The following FUBP3 variants were observed in gnomAD, a reference collection of about 807,000 sequenced individuals.
FUBP3 encodes far upstream element-binding protein 3.
FUBP3 carries 28 observed loss-of-function variants against 85.6 expected under a neutral mutation model. That is an observed-to-expected ratio of 0.33 (90% CI 0.24 to 0.45). FUBP3 has a LOEUF of 0.45. Among genes scored for constraint, FUBP3 ranks in the 20% least tolerant of loss-of-function variants. The probability of loss-of-function intolerance (pLI) is 1.00; values close to 1 mark genes in which losing one functional copy is unlikely to be tolerated. For synonymous variants in FUBP3, 271 were observed against 271.4 expected (o/e 1.00, Z 0.01); for missense variants, 583 against 755.1 (o/e 0.77, Z 2.67).
rs78863411 is a variant in FUBP3, at chr9:130,612,810, A to G, written c.275-146A>G. On this transcript the variant is annotated intron_variant, in intron 4 of 18. Transcript: ENST00000319725. This position sits in a 1 kb window ranked among gnomAD's most constrained non-coding sequence, Gnocchi z 4.1. The stretch of plus-strand genomic sequence containing the variant: ...AGGGCTTTCTGCTGCCATCATGCCC[A>G]AAGAGTGGAGATGGGCTCACGGGGG... 208 of 649,016 alleles carry G rather than the reference A, an allele frequency of 3.2e-4. 2 individuals are homozygous for G. The East Asian group carries it at 5.5e-3, about 17-fold the overall frequency. The allele number at this position is 649,016 out of a possible 1,614,324, so 40.2% of individuals were successfully genotyped here.
chr9:130,615,161 G>A (rs1449078289), intron 6 of FUBP3, among the ~76,000 whole-genome samples: 1 of 152,136 alleles, frequency 6.6e-6, no homozygotes, highest in African/African-American at 2.4e-5. Context: ...AAATATCGCT[G>A]GCAGGTGTGC....
chr9:130,579,648 TCGGCGG>T lies in FUBP3; in HGVS notation c.-24_-19del, dbSNP rs573526178. 5.7e-3 allele frequency: 6,946 copies of T among 1,210,018 alleles called. 37 individuals carry two copies. The highest frequency in any genetic ancestry group is 6.7e-3 in the Non-Finnish European group (6,440 of 965,568). The allele number at this position is 1,210,018 out of a possible 1,614,324, so 75.0% of individuals were successfully genotyped here. On this transcript the variant is annotated 5_prime_UTR_variant, in exon 1 of 19. Transcript: ENST00000319725. ...GAGCCGAGCGGCGGCGTCGGCGGCG[TCGGCGG>T]CGGCGGCGACGGCGGCGGGGGCGGT...
intron 12 of FUBP3, among the ~76,000 whole-genome samples, chr9:130,630,330 G>T (rs1006628300): frequency 1.3e-5 from 2 of 152,236 alleles, no homozygotes; most frequent in African/African-American, 4.8e-5. Context: ...CCTCAGCCCA[G>T]ACCTGGTCTC....
intron 7 of FUBP3, among the ~76,000 whole-genome samples, chr9:130,617,162 A>G (rs1212897453): frequency 6.6e-6 from 1 of 152,238 alleles, no homozygotes; most frequent in Non-Finnish European, 1.5e-5. Flanking sequence ...GTAGCAAAAT[A>G]GAATAATACA....
intron 7 of FUBP3, among the ~76,000 whole-genome samples, chr9:130,617,569 T>C (rs1290420877): frequency 6.6e-6 from 1 of 152,260 alleles, no homozygotes; most frequent in African/African-American, 2.4e-5. Context: ...CTCCAGGGAC[T>C]GGAATCATTT....
At chr9:130,636,345 G>A in intron 18 of FUBP3, 1 of 655,720 alleles carries the variant, frequency 1.5e-6, no homozygotes, top group Non-Finnish European at 2.7e-6. Context: ...TGGGAGGATT[G>A]GGGGCGCAGC....
rs1006735063 is a variant in FUBP3 at position 130,612,923 on chromosome 9, G to T, written c.275-33G>T. On this transcript the variant is annotated intron_variant, in intron 4 of 18. Coordinates refer to ENST00000319725, the MANE Select transcript of FUBP3 (RefSeq NM_003934.2). The surrounding 1 kb of genome is among the most constrained non-coding windows in gnomAD (Gnocchi z 4.1). The stretch of plus-strand genomic sequence containing the variant: ...CTGCGTGGTGAAATATGGAATAGGG[G>T]CGTGTATTCTGACCCTGTTCAATTT... The T allele has an allele frequency of 1.4e-6, 2 of 1,382,632 alleles. No individual in the cohort carries two copies. Among genetic ancestry groups the T allele is most frequent in the East Asian group, 4.6e-5 (2 of 43,768 alleles). The allele number at this position is 1,382,632 out of a possible 1,614,324, so 85.6% of individuals were successfully genotyped here. A position where few individuals can be genotyped will look rare whatever the true frequency, so the allele number is the denominator to read the frequency against.
Position 130,636,029 on chromosome 9 carries a change from G to A in FUBP3, c.1613G>A (p.Ser538Asn). The A allele has an allele frequency of 6.3e-7, 1 of 1,596,626 alleles. No individual in the cohort carries two copies. Among genetic ancestry groups the A allele is most frequent in the Non-Finnish European group, 8.5e-7 (1 of 1,172,392 alleles). The change falls in exon 18 of 19, where the codon AGC becomes AAC. Residue 538 changes from serine to asparagine, a missense_variant. Transcript: ENST00000319725. The part of the protein sequence containing the change: ...SHAASAAPQA[S>N]SPPDYTMAWA... ...GCCGCCAGCGCTGCTCCTCAGGCCA[G>A]CTCCCCACCGGACTACACAATGGCC... is the stretch of plus-strand genomic sequence containing the variant.
intron 12 of FUBP3, among the ~76,000 whole-genome samples, chr9:130,630,107 C>T (rs2119121977): frequency 6.6e-6 from 1 of 152,354 alleles, no homozygotes; most frequent in East Asian, 1.9e-4. Context: ...GGGTGGGATA[C>T]TGAAGGCCCG....
At position 130,612,643 on chromosome 9, in the gene FUBP3, C is replaced by T; in HGVS notation, c.274+138C>T. Reference sequence around the variant, plus strand: ...ATCACCTGTAGTAGAATGCTTTGCACATGCCATTCCCCACAGCTCTGAAAT... The same window carrying T: ...ATCACCTGTAGTAGAATGCTTTGCATATGCCATTCCCCACAGCTCTGAAAT... On this transcript the variant is annotated intron_variant, in intron 4 of 18. Coordinates refer to ENST00000319725, the MANE Select transcript of FUBP3 (RefSeq NM_003934.2). The surrounding 1 kb of genome is among the most constrained non-coding windows in gnomAD (Gnocchi z 4.1). 1 of 699,528 alleles carries T rather than the reference C, an allele frequency of 1.4e-6. No individual in the cohort carries two copies. Among genetic ancestry groups the T allele is most frequent in the Non-Finnish European group, 2.6e-6 (1 of 392,004 alleles). 43.3% of individuals were successfully genotyped at this position (699,528 alleles called of 1,614,324 possible).
chr9:130,590,913 C>T (rs1352624447), intron 1 of FUBP3, among the ~76,000 whole-genome samples: 3 of 151,906 alleles, frequency 2.0e-5, no homozygotes, highest in Non-Finnish European at 1.5e-5. Context: ...TTTGCCATAT[C>T]ATTGAATCTT....
chr9:130,634,171 A>G (rs1830324946), intron 16 of FUBP3, among the ~76,000 whole-genome samples: 1 of 152,024 alleles, frequency 6.6e-6, no homozygotes, highest in Non-Finnish European at 1.5e-5. Flanking sequence ...ACCCAAACAC[A>G]TGCACCCCCT....
intron 10 of FUBP3, among the ~76,000 whole-genome samples, chr9:130,623,085 A>G (rs1473292060): frequency 4.6e-5 from 7 of 152,100 alleles, no homozygotes; most frequent in Admixed American, 4.6e-4. Flanking sequence ...TCATAAATGC[A>G]TAGTATGTCA....
chr9:130,610,058 G>A lies in FUBP3; in HGVS notation c.224+71G>A, dbSNP rs994293228. 33 of 1,208,286 alleles carry A rather than the reference G, an allele frequency of 2.7e-5. No individual in the cohort carries two copies. The South Asian group carries it at 3.6e-4, about 13-fold the overall frequency. 74.8% of individuals were successfully genotyped at this position (1,208,286 alleles called of 1,614,324 possible). Reference sequence around the variant, plus strand: ...GTTTATTGATCCACCATCTGTACTAGAGTGCTAGAAAGTCAGAGGTTGAGA... The same window carrying A: ...GTTTATTGATCCACCATCTGTACTAAAGTGCTAGAAAGTCAGAGGTTGAGA... On this transcript the variant is annotated intron_variant, in intron 3 of 18. Coordinates refer to ENST00000319725, the MANE Select transcript of FUBP3 (RefSeq NM_003934.2).
intron 3 of FUBP3, 82 bp downstream of exon 3, chr9:130,610,069 A>G (rs952797904): frequency 4.4e-6 from 5 of 1,125,654 alleles, no homozygotes; most frequent in Admixed American, 1.7e-5. Flanking sequence ...AGTGCTAGAA[A>G]GTCAGAGGTT....
At chr9:130,596,356 A>T (rs894629941) in intron 2 of FUBP3, among the ~76,000 whole-genome samples, 2 of 152,146 alleles carry the variant, frequency 1.3e-5, no homozygotes, top group Non-Finnish European at 2.9e-5. Flanking sequence ...CCAATCATTT[A>T]TGTTTGTACA....
intron 1 of FUBP3, among the ~76,000 whole-genome samples, chr9:130,591,810 A>C (rs1185931369): frequency 2.0e-5 from 3 of 152,216 alleles, no homozygotes; most frequent in African/African-American, 7.2e-5. Flanking sequence ...ATTTAATCTA[A>C]ATTAGGAATA....
At position 130,600,099 on chromosome 9, in the gene FUBP3, TCCTCCCTC is replaced by T. The variant is rs61692268; in HGVS notation, c.190+4532_190+4539del. Among the ~76,000 whole-genome samples the T allele has an allele frequency of 1.3e-3, 166 of 124,952 alleles. 1 individual carries two copies. The highest frequency in any genetic ancestry group is 5.0e-3 in the African/African-American group (135 of 26,914). 82.0% of individuals were successfully genotyped at this position (124,952 alleles called of 152,430 possible). A position where few individuals can be genotyped will look rare whatever the true frequency, so the allele number is the denominator to read the frequency against. On this transcript the variant is annotated intron_variant, in intron 2 of 18. Coordinates refer to ENST00000319725, the MANE Select transcript of FUBP3 (RefSeq NM_003934.2). ...GTCTTCTCTCTACCTTTTCCTTCCT[TCCTCCCTC>T]CCTCCCTCCCTCCCTCCCTCTTTCC...
chr9:130,616,568 A>G lies in FUBP3; in HGVS notation c.567+51A>G. On this transcript the variant is annotated intron_variant, in intron 7 of 18. Coordinates refer to ENST00000319725, the MANE Select transcript of FUBP3 (RefSeq NM_003934.2). The surrounding 1 kb of genome is among the most constrained non-coding windows in gnomAD (Gnocchi z 4.7). ...CAGCGGCCGCTCGCAGCAGGTCTTC[A>G]GCTTCCTGGCCCAGGAGATCTGCTT... 1 of 1,568,196 alleles carries G rather than the reference A, an allele frequency of 6.4e-7. No homozygotes were observed. Among genetic ancestry groups the G allele is most frequent in the Non-Finnish European group, 8.8e-7 (1 of 1,140,478 alleles).
Sources: allele counts gnomAD v4.1 joint callset (sites outside exome capture counted in the v4.1 genomes callset), GRCh38; gene constraint gnomAD v4.1.1; non-coding constraint Gnocchi (gnomAD v3.1); transcripts MANE v1.5; gene names NCBI Gene and HGNC (gene_info 2026-07-23, HGNC 2026-07-21).